CDH13: variants seen among roughly 807,000 people sequenced by gnomAD.
The protein encoded by CDH13 is cadherin-13.
CDH13 carries 24 observed loss-of-function variants against 63.8 expected under a neutral mutation model. The ratio of observed to expected loss-of-function variants is 0.38; its 90% CI spans 0.27 to 0.53. The LOEUF is 0.53. CDH13 is among the 20% of genes least tolerant of loss of function. The pLI is 0.85. For missense variants in CDH13, 1,049 were observed against 903.1 expected (o/e 1.16, Z -2.07); for synonymous variants, 503 against 355.3 (o/e 1.42, Z -4.67).
At chr16:82,664,701 C>G (rs372910142) in intron 1 of CDH13, among the ~76,000 whole-genome samples, 1 of 152,102 alleles carries the variant, frequency 6.6e-6, no homozygotes, top group African/African-American at 2.4e-5. Context: ...TTAATACTTG[C>G]TTATTAACTA....
At chr16:83,297,841 C>T (rs999012337) in intron 5 of CDH13, among the ~76,000 whole-genome samples, 3 of 152,026 alleles carry the variant, frequency 2.0e-5, no homozygotes, top group African/African-American at 7.2e-5. Context: ...ATGCCCGAAA[C>T]TTTTCAAAGT....
intron 7 of CDH13, among the ~76,000 whole-genome samples, chr16:83,598,215 A>G (rs547839257): frequency 6.6e-6 from 1 of 152,206 alleles, no homozygotes; most frequent in African/African-American, 2.4e-5. Flanking sequence ...AATTACAAAA[A>G]TTAGCTGGGT....
intron 2 of CDH13, among the ~76,000 whole-genome samples, chr16:82,966,896 T>G (rs1907919715): frequency 6.6e-6 from 1 of 152,128 alleles, no homozygotes; most frequent in Non-Finnish European, 1.5e-5. Context: ...CTATTAAAAA[T>G]TATCTAATCA....
rs2033132046 is a variant in CDH13, at chr16:82,726,990, A to T, written c.45+99853A>T. ...TGATGAACAAGTCCAAATTACTACA[A>T]AACTGCTTTTGTTCTTCTTCTAATG... On this transcript the variant is annotated intron_variant, in intron 1 of 13. Coordinates refer to ENST00000567109, the MANE Select transcript of CDH13 (RefSeq NM_001257.5). Among the ~76,000 whole-genome samples the T allele has an allele frequency of 2.0e-5, 3 of 152,130 alleles. No homozygotes were observed. In the South Asian group the frequency reaches 6.2e-4, roughly 32 times the overall value.
chr16:82,914,775 C>T (rs905857972), intron 2 of CDH13, among the ~76,000 whole-genome samples: 5 of 152,184 alleles, frequency 3.3e-5, no homozygotes, highest in Non-Finnish European at 7.3e-5. Context: ...AAGTTACATG[C>T]TCCATTTAGA....
chr16:82,977,433 G>A (rs985567949), intron 2 of CDH13, among the ~76,000 whole-genome samples: 1 of 152,192 alleles, frequency 6.6e-6, no homozygotes, highest in Non-Finnish European at 1.5e-5. Context: ...ATCCCCACGT[G>A]TAATGGGAGG....
chr16:83,776,070 C>CT (rs1024289132), intron 11 of CDH13, among the ~76,000 whole-genome samples: 2 of 152,126 alleles, frequency 1.3e-5, no homozygotes, highest in African/African-American at 4.8e-5. Context: ...TGAATCTTGT[C>CT]TTTAACTCAT....
At chr16:82,936,886 C>T (rs2042685615) in intron 2 of CDH13, among the ~76,000 whole-genome samples, 1 of 152,066 alleles carries the variant, frequency 6.6e-6, no homozygotes, top group East Asian at 1.9e-4. Context: ...GGACTCCTCC[C>T]AGAGTTCACC....
chr16:83,457,421 C>G (rs1204850853), intron 6 of CDH13, among the ~76,000 whole-genome samples: 2 of 152,134 alleles, frequency 1.3e-5, no homozygotes, highest in African/African-American at 4.8e-5. Context: ...CTTGCCATCA[C>G]TCATTACATA....
chr16:83,177,706 T>C (rs898890873), intron 4 of CDH13, among the ~76,000 whole-genome samples: 17 of 152,100 alleles, frequency 1.1e-4, no homozygotes, highest in African/African-American at 4.1e-4. Context: ...TTACTCAAAA[T>C]CTCTTTTAGG....
rs1917954674 is a variant in CDH13, at chr16:83,047,953, T to C, written c.366+15735T>C. On this transcript the variant is annotated intron_variant, in intron 3 of 13. Transcript: ENST00000567109. This position sits in a 1 kb window ranked among gnomAD's most constrained non-coding sequence, Gnocchi z 4.9. Reference sequence around the variant, plus strand: ...ATACATCTAGAATATTTTGGAGACATATTTTTGCACTCAGACTCCTCAAAA... The same window carrying C: ...ATACATCTAGAATATTTTGGAGACACATTTTTGCACTCAGACTCCTCAAAA... 6.6e-6 allele frequency among the ~76,000 whole-genome samples: 1 copy of C among 152,206 alleles called. No homozygotes were observed. The highest frequency in any genetic ancestry group is 2.4e-5 in the African/African-American group (1 of 41,454).
intron 4 of CDH13, among the ~76,000 whole-genome samples, chr16:83,131,241 G>A: frequency 8.6e-6 from 1 of 116,050 alleles, no homozygotes; most frequent in African/African-American, 3.3e-5. Flanking sequence ...AGAGATCACT[G>A]CCAGCCCTGG....
intron 7 of CDH13, among the ~76,000 whole-genome samples, chr16:83,511,318 C>G (rs1294522399): frequency 6.6e-6 from 1 of 152,124 alleles, no homozygotes; most frequent in African/African-American, 2.4e-5. Context: ...AAAATTTAGC[C>G]AGGTGTAGTG....
At chr16:83,298,051 AAAAAAAAAAAAAG>A (rs1468505939) in intron 5 of CDH13, among the ~76,000 whole-genome samples, 1 of 150,508 alleles carries the variant, frequency 6.6e-6, no homozygotes, top group African/African-American at 2.4e-5. Context: ...TTTCTACAAA[AAAAAAAAAAAAAG>A]AAAAAGAAAA....
At chr16:83,457,205 G>A (rs1313405876) in intron 6 of CDH13, among the ~76,000 whole-genome samples, 2 of 152,156 alleles carry the variant, frequency 1.3e-5, no homozygotes, top group Admixed American at 6.5e-5. Context: ...TAAGAGCACT[G>A]ACACCTTACG....
At chr16:83,241,858 G>C (rs1190296556) in intron 5 of CDH13, among the ~76,000 whole-genome samples, 1 of 152,110 alleles carries the variant, frequency 6.6e-6, no homozygotes, top group Admixed American at 6.6e-5. Flanking sequence ...CATTTGCCTA[G>C]TTTTGCTTTT....
chr16:82,981,769 G>T (rs1164579583), intron 2 of CDH13, among the ~76,000 whole-genome samples: 1 of 152,108 alleles, frequency 6.6e-6, no homozygotes, highest in East Asian at 1.9e-4. Context: ...CTGCAACATT[G>T]TGCCTTCCTT....
intron 8 of CDH13, among the ~76,000 whole-genome samples, chr16:83,621,475 CTTTTTTTTTT>C (rs72032168): frequency 2.1e-4 from 6 of 28,532 alleles, no homozygotes; most frequent in South Asian, 2.5e-3. Context: ...CCTCACCTGC[CTTTTTTTTTT>C]TTTTTTTTTT....
chr16:83,069,133 T>C (rs902704618), intron 3 of CDH13, among the ~76,000 whole-genome samples: 2 of 152,226 alleles, frequency 1.3e-5, no homozygotes, highest in Non-Finnish European at 2.9e-5. Context: ...CATTTAATTG[T>C]ACATCTTGAA....
Sources: gnomAD v4.1 joint callset for allele counts (sites outside exome capture counted in the v4.1 genomes callset) on GRCh38, gnomAD v4.1.1 for gene constraint, Gnocchi (gnomAD v3.1) non-coding constraint, MANE v1.5 for transcripts, NCBI Gene and HGNC (gene_info 2026-07-23, HGNC 2026-07-21) for gene names.